The following BRD3 variants were observed in gnomAD, a reference collection of about 807,000 sequenced individuals.
The protein encoded by BRD3 is bromodomain containing 3.
BRD3 carries 17 observed loss-of-function variants against 66.8 expected under a neutral mutation model. The observed-to-expected ratio is 0.25, with a 90% CI of 0.17 to 0.38. BRD3 has a LOEUF of 0.38. BRD3 is among the 10% of genes least tolerant of loss of function. BRD3 has a pLI of 1.00. For synonymous variants in BRD3, 421 were observed against 393.2 expected (o/e 1.07, Z -0.84); for missense variants, 713 against 956.1 (o/e 0.75, Z 3.35).
chr9:134,058,895 C>T (rs1830481419), intron 1 of BRD3: 1 of 152,434 alleles, frequency 6.6e-6, no homozygotes, highest in Non-Finnish European at 1.5e-5. Context: ...GCCTGGGCCC[C>T]ACAGCTGGTG....
chr9:134,059,041 T>C (rs559774935), intron 1 of BRD3, among the ~76,000 whole-genome samples: 3 of 152,324 alleles, frequency 2.0e-5, no homozygotes, highest in East Asian at 3.9e-4. Flanking sequence ...AGAGTTAGTA[T>C]TGGGGGTATG....
rs192904624 is a variant in BRD3, at chr9:134,033,037, A to G, written c.*553T>C. ...CTCCACGCTCCGGGCTGGGGCTGCG[A>G]TGACCCTTCGCTTAGGCCCAGCCTG... is the stretch of plus-strand genomic sequence containing the variant. On this transcript the variant is annotated 3_prime_UTR_variant, in exon 12 of 12. Coordinates refer to ENST00000303407, the MANE Select transcript of BRD3 (RefSeq NM_007371.4). The surrounding 1 kb of genome is among the most constrained non-coding windows in gnomAD (Gnocchi z 5.1). 1.0e-5 allele frequency: 4 copies of G among 398,110 alleles called. No individual in the cohort carries two copies. Among genetic ancestry groups the G allele is most frequent in the Non-Finnish European group, 1.8e-5 (4 of 226,120 alleles). 24.7% of individuals were successfully genotyped at this position (398,110 alleles called of 1,614,324 possible). A position where few individuals can be genotyped will look rare whatever the true frequency, so the allele number is the denominator to read the frequency against.
chr9:134,038,326 T>G (rs1829972251), intron 9 of BRD3, among the ~76,000 whole-genome samples: 1 of 152,144 alleles, frequency 6.6e-6, no homozygotes, highest in African/African-American at 2.4e-5. Context: ...GGCCAATTTT[T>G]TCTGTTCTTA....
intron 7 of BRD3, among the ~76,000 whole-genome samples, chr9:134,043,746 T>A (rs188858883): frequency 1.3e-5 from 2 of 152,164 alleles, no homozygotes; most frequent in Admixed American, 6.5e-5. Context: ...CAGGCTGGAG[T>A]GCTGTGCAAC....
intron 1 of BRD3, among the ~76,000 whole-genome samples, chr9:134,062,111 CCTGTAGCCCTG>C (rs1171209444): frequency 6.6e-6 from 1 of 152,182 alleles, no homozygotes; most frequent in Non-Finnish European, 1.5e-5. Flanking sequence ...TTGGGGGCCC[CCTGTAGCCCTG>C]GAGGAGCCCT....
At chr9:134,061,601 G>A (rs1177203837) in intron 1 of BRD3, among the ~76,000 whole-genome samples, 1 of 152,196 alleles carries the variant, frequency 6.6e-6, no homozygotes, top group African/African-American at 2.4e-5. Flanking sequence ...CTGGGCCTCT[G>A]TACCTGTGTC....
chr9:134,063,827 C>T (rs1490275215), intron 1 of BRD3, among the ~76,000 whole-genome samples: 1 of 152,250 alleles, frequency 6.6e-6, no homozygotes, highest in Non-Finnish European at 1.5e-5. Context: ...TATCAAGCCA[C>T]ACTCAGAAAG....
chr9:134,053,622 G>A (rs1830351201), intron 1 of BRD3, 32 bp from the exon 2 acceptor site: 5 of 1,431,710 alleles, frequency 3.5e-6, no homozygotes, highest in East Asian at 2.5e-5. Context: ...AGAGAGGAAG[G>A]CCAGTCACCC....
In BRD3 at chr9:134,051,616, G is replaced by A. The variant is rs202111048; in HGVS notation, c.445C>T (p.Pro149Ser). 3.2e-6 allele frequency: 5 copies of A among 1,585,508 alleles called. No individual in the cohort carries two copies. The highest frequency in any genetic ancestry group is 3.4e-6 in the Non-Finnish European group (4 of 1,170,728). The stretch of plus-strand genomic sequence containing the variant: ...CGACCTTTGCCCTTTGGAGCAGGGG[G>A]TAATAATTCAACTTCCTCTTGGGGC... ...QMPQEEVELL[P>S]PAPKGKGRKP... The change falls in exon 4 of 12, where the codon CCC (proline) becomes TCC (serine). Residue 149 changes from proline to serine, a missense_variant. This residue lies in a region of BRD3 where 120 missense variants were observed against 122.8 expected (regional missense o/e 0.98). Transcript: ENST00000303407.
chr9:134,034,420 C>T (rs944273452), intron 11 of BRD3: 2 of 405,334 alleles, frequency 4.9e-6, no homozygotes, highest in East Asian at 9.2e-5. Flanking sequence ...AGTCCAGCCC[C>T]ACAAGAGCCC....
intron 7 of BRD3, among the ~76,000 whole-genome samples, chr9:134,042,738 CATATATACACATATATACACAT>C (rs1830085883): frequency 7.4e-6 from 1 of 135,888 alleles, no homozygotes; most frequent in African/African-American, 3.5e-5. Flanking sequence ...TATATACACA[CATATATACACATATATACACAT>C]ATATACACAC....
chr9:134,059,363 T>C (rs1434194309), intron 1 of BRD3, among the ~76,000 whole-genome samples: 4 of 152,276 alleles, frequency 2.6e-5, no homozygotes, highest in East Asian at 3.9e-4. Context: ...CTTCATGCGA[T>C]GGGGAATAAG....
In BRD3 at chr9:134,040,164, CCTTGTCCTTCTT is replaced by C. The variant is rs1564549199; in HGVS notation, c.1501_1512del (p.Lys501_Lys504del). ...ACTTTGTGCTTCTCCTTCTCCTTCT[CCTTGTCCTTCTT>C]CTTCTTCTCCTTCTCCTTCTTCTCC... is the stretch of plus-strand genomic sequence containing the variant. On this transcript the variant is annotated inframe_deletion, in exon 9 of 12. Transcript: ENST00000303407. 1 of 1,563,334 alleles carries C rather than the reference CCTTGTCCTTCTT, an allele frequency of 6.4e-7. No individual in the cohort carries two copies. The highest frequency in any genetic ancestry group is 1.9e-5 in the Admixed American group (1 of 52,256).
In BRD3 at chr9:134,034,776, T is replaced by G. The variant is rs201095386; in HGVS notation, c.1990A>C (p.Lys664Gln). Reference sequence around the variant, plus strand: ...AGACGCTTTTCCAGCTCCTTCTTCTTTTCCTGAGCTAGCTCCTCTTTCGAC... The same window carrying G: ...AGACGCTTTTCCAGCTCCTTCTTCTGTTCCTGAGCTAGCTCCTCTTTCGAC... ...AKSKEELAQE[K>Q]KKELEKRLQD... Residue 664 changes from lysine (K) to glutamine (Q), a missense_variant, in exon 11 of 12, where the codon AAG becomes CAG. Lys to Gln is a moderately conservative substitution (Grantham distance 53). This residue lies in a region of BRD3 where 418 missense variants were observed against 609.3 expected (regional missense o/e 0.69). Coordinates refer to ENST00000303407, the MANE Select transcript of BRD3 (RefSeq NM_007371.4). 8.7e-6 allele frequency: 14 copies of G among 1,611,992 alleles called. No homozygotes were observed. Among genetic ancestry groups the G allele is most frequent in the Non-Finnish European group, 1.2e-5 (14 of 1,180,022 alleles).
At chr9:134,064,210 G>A (rs1830599987) in intron 1 of BRD3, among the ~76,000 whole-genome samples, 2 of 152,132 alleles carry the variant, frequency 1.3e-5, no homozygotes, top group South Asian at 4.1e-4. Context: ...ACAGGTGAAT[G>A]GCCCAAAGTG....
chr9:134,042,813 ACACAC>A (rs1234042030), intron 7 of BRD3, among the ~76,000 whole-genome samples: 1 of 134,838 alleles, frequency 7.4e-6, no homozygotes, highest in South Asian at 2.6e-4. Context: ...ACACACACAC[ACACAC>A]ATTTTTAAGT....
In BRD3 at chr9:134,032,609, G is replaced by C. The variant is rs953734776; in HGVS notation, c.*981C>G. The C allele has an allele frequency of 1.7e-4, 40 of 230,426 alleles. No individual in the cohort carries two copies. The highest frequency in any genetic ancestry group is 2.8e-4 in the Non-Finnish European group (33 of 116,338). The allele number at this position is 230,426 out of a possible 1,614,324, so 14.3% of individuals were successfully genotyped here. ...CCGCGCCCGGCACACCACTGGCAAG[G>C]CCTGCATCTCTGCGACTGTGTGAAT... On this transcript the variant is annotated 3_prime_UTR_variant, in exon 12 of 12. Coordinates refer to ENST00000303407, the MANE Select transcript of BRD3 (RefSeq NM_007371.4).
At chr9:134,063,119 G>C (rs940996588) in intron 1 of BRD3, among the ~76,000 whole-genome samples, 1 of 152,218 alleles carries the variant, frequency 6.6e-6, no homozygotes, top group Non-Finnish European at 1.5e-5. Context: ...GGGCCAGCAG[G>C]GCCGCAGCTC....
chr9:134,068,323 T>C (rs75318400), upstream of BRD3: 53,017 of 148,340 alleles, frequency 0.36, 9,962 homozygotes, highest in Middle Eastern at 0.53. Flanking sequence ...ACGGCTCTCC[T>C]CACCCCGTGT....
Sources: allele counts gnomAD v4.1 joint callset (sites outside exome capture counted in the v4.1 genomes callset), GRCh38; gene constraint gnomAD v4.1.1; regional missense constraint gnomAD v4.1.1; non-coding constraint Gnocchi (gnomAD v3.1); transcripts MANE v1.5; gene names NCBI Gene and HGNC (gene_info 2026-07-23, HGNC 2026-07-21).